Variants in AKAP6 observed in about 807,000 individuals in gnomAD.
The protein encoded by AKAP6 is A-kinase anchoring protein 6, also known as A-kinase anchor protein 6.
Under a neutral mutation model 188.5 loss-of-function variants are expected in AKAP6, and 58 were observed. The observed-to-expected ratio is 0.31, with a 90% CI of 0.25 to 0.38. AKAP6 has a LOEUF of 0.38. Among genes scored for constraint, AKAP6 ranks in the 10% least tolerant of loss-of-function variants. The pLI, the probability that AKAP6 is intolerant of heterozygous loss-of-function variation, is 1.00. For missense variants in AKAP6, 2,710 were observed against 2,740.0 expected (o/e 0.99, Z 0.24); for synonymous variants, 989 against 998.6 (o/e 0.99, Z 0.18).
rs1235466012 is a variant in AKAP6, at chr14:32,348,408, C to CTTTTTT, written c.-35+19004_-35+19005insTTTTTT. On this transcript the variant is annotated intron_variant, in intron 1 of 13. Coordinates refer to ENST00000280979, the MANE Select transcript of AKAP6 (RefSeq NM_004274.5). ...TTGTCTGAATGGGGTTCTTTCTTTT[C>CTTTTTT]TTTTGTTTCTTTTTTTTTTTTTTTT... 5.0e-4 allele frequency among the ~76,000 whole-genome samples: 44 copies of CTTTTTT among 88,724 alleles called. 1 individual carries two copies. Among genetic ancestry groups the CTTTTTT allele is most frequent in the South Asian group, 8.2e-4 (2 of 2,450 alleles). The allele number at this position is 88,724 out of a possible 152,430, so 58.2% of individuals were successfully genotyped here.
chr14:32,481,672 CAT>C (rs1198704463), intron 2 of AKAP6, among the ~76,000 whole-genome samples: 1 of 152,256 alleles, frequency 6.6e-6, no homozygotes, highest in East Asian at 1.9e-4. Context: ...CCTCCCATGA[CAT>C]GTGGGGATTA....
At chr14:32,722,589 A>G (rs1345249436) in intron 9 of AKAP6, among the ~76,000 whole-genome samples, 1 of 152,156 alleles carries the variant, frequency 6.6e-6, no homozygotes, top group Non-Finnish European at 1.5e-5. Context: ...CTCCACTGGC[A>G]GAGCAGAGCA....
At chr14:32,377,218 C>T (rs1658191196) in intron 1 of AKAP6, among the ~76,000 whole-genome samples, 1 of 152,156 alleles carries the variant, frequency 6.6e-6, no homozygotes, top group Non-Finnish European at 1.5e-5. Context: ...CCCTTTGAAC[C>T]TTTCTTACTG....
chr14:32,426,763 G>A (rs1174020420), intron 1 of AKAP6, among the ~76,000 whole-genome samples: 5 of 152,196 alleles, frequency 3.3e-5, no homozygotes, highest in Non-Finnish European at 7.3e-5. Flanking sequence ...AATGACTGCT[G>A]TAGAGGAGGA....
At chr14:32,800,111 T>A (rs1020731421) in intron 12 of AKAP6, among the ~76,000 whole-genome samples, 11 of 146,122 alleles carry the variant, frequency 7.5e-5, no homozygotes, top group Non-Finnish European at 1.6e-4. Context: ...TAGAAATATA[T>A]ATACACATAT....
At chr14:32,584,307 T>C (rs916662770) in intron 5 of AKAP6, among the ~76,000 whole-genome samples, 4 of 152,170 alleles carry the variant, frequency 2.6e-5, no homozygotes, top group Admixed American at 1.3e-4. Context: ...AGCATAGAGA[T>C]GCTGGGCAGA....
rs1375991043 is a variant in AKAP6, at chr14:32,711,222, C to T, written c.3000+15112C>T. ...TTGTAACAACCCAAACTCTGTTTTG[C>T]TTGCTTTTCAGTGTAACATTAAATG... On this transcript the variant is annotated intron_variant, in intron 9 of 13. Transcript: ENST00000280979. Among the ~76,000 whole-genome samples the T allele has an allele frequency of 3.9e-5, 6 of 152,034 alleles. 1 individual carries two copies. Among genetic ancestry groups the T allele is most frequent in the African/African-American group, 1.4e-4 (6 of 41,428 alleles).
intron 1 of AKAP6, among the ~76,000 whole-genome samples, chr14:32,404,941 GGAAGAGA>G (rs1260770855): frequency 1.3e-5 from 2 of 151,052 alleles, no homozygotes; most frequent in Non-Finnish European, 2.9e-5. Flanking sequence ...GAGGGAGGGT[GGAAGAGA>G]GAAGAGAGAG....
intron 1 of AKAP6, among the ~76,000 whole-genome samples, chr14:32,414,453 A>G (rs1889591133): frequency 6.6e-6 from 1 of 152,178 alleles, no homozygotes; most frequent in African/African-American, 2.4e-5. Context: ...AGTACTTTGC[A>G]GAACCGGTAT....
rs1382049520 is a variant in AKAP6 at position 32,484,984 on chromosome 14, C to T, written c.325-50570C>T. Among the ~76,000 whole-genome samples, 12 of 74,264 alleles carry T rather than the reference C, an allele frequency of 1.6e-4. 5 individuals are homozygous for T. The highest frequency in any genetic ancestry group is 2.9e-4 in the Admixed American group (2 of 6,828). The allele number at this position is 74,264 out of a possible 152,430, so 48.7% of individuals were successfully genotyped here. On this transcript the variant is annotated intron_variant, in intron 2 of 13. Transcript: ENST00000280979. ...CTGCGGCGGGAGAAGTAGATTGAAG[C>T]GTTGATTAGGGTGTTTAGCTGTTAA...
chr14:32,481,173 T>A (rs721538), intron 2 of AKAP6, among the ~76,000 whole-genome samples: 1 of 151,966 alleles, frequency 6.6e-6, no homozygotes, highest in East Asian at 1.9e-4. Context: ...CTGTTCAGTA[T>A]TGATTGATCT....
intron 2 of AKAP6, among the ~76,000 whole-genome samples, chr14:32,503,097 G>C (rs1880685818): frequency 6.6e-6 from 1 of 152,016 alleles, no homozygotes; most frequent in African/African-American, 2.4e-5. Context: ...TTTCCCCATA[G>C]ATTGTGTTAT....
rs181401451 is a variant in AKAP6 at position 32,435,824 on chromosome 14, T to C, written c.324+2007T>C. ...TTCAAAGTCAAGGAGCTCTGGTTACTGCATGTGGCCTCAAAAAAGGTCTAC... is the reference window on the plus strand; with the variant it reads ...TTCAAAGTCAAGGAGCTCTGGTTACCGCATGTGGCCTCAAAAAAGGTCTAC... On this transcript the variant is annotated intron_variant, in intron 2 of 13. Coordinates refer to ENST00000280979, the MANE Select transcript of AKAP6 (RefSeq NM_004274.5). Among the ~76,000 whole-genome samples the C allele has an allele frequency of 3.4e-3, 515 of 152,316 alleles. 2 individuals carry two copies. Among genetic ancestry groups the C allele is most frequent in the Non-Finnish European group, 5.6e-3 (379 of 68,024 alleles).
intron 2 of AKAP6, among the ~76,000 whole-genome samples, chr14:32,504,043 T>C (rs1024889449): frequency 1.3e-5 from 2 of 151,966 alleles, no homozygotes; most frequent in Admixed American, 6.6e-5. Flanking sequence ...TTTGAGGATA[T>C]GGAGTTTTCC....
chr14:32,725,144 A>G (rs112007461), intron 9 of AKAP6, among the ~76,000 whole-genome samples: 2,099 of 152,146 alleles, frequency 0.014, 45 homozygotes, highest in African/African-American at 0.048. Flanking sequence ...CCTGAATTCT[A>G]AACTTTTCCC....
At chr14:32,350,192 T>G (rs548255562) in intron 1 of AKAP6, among the ~76,000 whole-genome samples, 2 of 152,228 alleles carry the variant, frequency 1.3e-5, no homozygotes, top group South Asian at 4.1e-4. Flanking sequence ...AATAGTAGCT[T>G]TACAGTAGTG....
At chr14:32,501,902 G>A (rs757303072) in intron 2 of AKAP6, among the ~76,000 whole-genome samples, 1 of 152,076 alleles carries the variant, frequency 6.6e-6, no homozygotes, top group Non-Finnish European at 1.5e-5. Context: ...CTTAATGACA[G>A]TATCCTATTA....
At chr14:32,711,124 C>A (rs937680609) in intron 9 of AKAP6, among the ~76,000 whole-genome samples, 1 of 152,028 alleles carries the variant, frequency 6.6e-6, no homozygotes, top group Non-Finnish European at 1.5e-5. Flanking sequence ...TTTCCCAATT[C>A]AATTTTCTAT....
chr14:32,726,623 T>A (rs931094658), intron 9 of AKAP6, among the ~76,000 whole-genome samples: 2 of 152,268 alleles, frequency 1.3e-5, no homozygotes, highest in Non-Finnish European at 2.9e-5. Context: ...TTTCACGCAG[T>A]GCATTTCAGT....
Sources: gnomAD v4.1 joint callset for allele counts (sites outside exome capture counted in the v4.1 genomes callset) on GRCh38, gnomAD v4.1.1 for gene constraint, MANE v1.5 for transcripts, NCBI Gene and HGNC (gene_info 2026-07-23, HGNC 2026-07-21) for gene names.